The following SMARCA2 variants were observed in gnomAD, a reference collection of about 807,000 sequenced individuals.
SMARCA2 encodes the protein SWI/SNF related BAF chromatin remodeling complex subunit ATPase 2.
SMARCA2 carries 61 observed loss-of-function variants against 199.8 expected under a neutral mutation model. The observed-to-expected ratio is 0.31, with a 90% CI of 0.25 to 0.38. The LOEUF (loss-of-function observed/expected upper bound fraction) is 0.38, where lower values mean the gene tolerates loss of function less well. SMARCA2 is among the 10% of genes least tolerant of loss of function. The pLI, the probability that SMARCA2 is intolerant of heterozygous loss-of-function variation, is 1.00. For synonymous variants in SMARCA2, 935 were observed against 732.0 expected, an observed-to-expected ratio of 1.28 and a Z score of -4.48; for missense variants, 1,344 against 2,012.2, an observed-to-expected ratio of 0.67 and a Z score of 6.35.
intron 27 of SMARCA2, among the ~76,000 whole-genome samples, chr9:2,138,144 T>C (rs1248742782): frequency 6.6e-6 from 1 of 151,864 alleles, no homozygotes; most frequent in African/African-American, 2.4e-5. Flanking sequence ...TCTTCTAGCT[T>C]GAGCCTTCTA....
intron 14 of SMARCA2, among the ~76,000 whole-genome samples, chr9:2,078,955 TA>T (rs1245255227): frequency 6.6e-6 from 1 of 151,682 alleles, no homozygotes; most frequent in Non-Finnish European, 1.5e-5. Context: ...AAAAAATAAA[TA>T]AATAAATAAA....
At chr9:2,130,708 TACATATATATATACACAC>T (rs1823906224) in intron 27 of SMARCA2, among the ~76,000 whole-genome samples, 2 of 152,138 alleles carry the variant, frequency 1.3e-5, no homozygotes, top group East Asian at 3.9e-4. Flanking sequence ...CATACATACA[TACATATATATATACACAC>T]ACATATATAT....
chr9:2,028,119 G>C (rs1471671477), intron 1 of SMARCA2, among the ~76,000 whole-genome samples: 1 of 146,482 alleles, frequency 6.8e-6, no homozygotes, highest in Non-Finnish European at 1.5e-5. Context: ...CTCTGATCCA[G>C]TAGTCATGGA....
At position 2,124,000 on chromosome 9, in the gene SMARCA2, C is replaced by T. The variant is rs571771573; in HGVS notation, c.3981+63C>T. The T allele has an allele frequency of 2.2e-5, 30 of 1,339,498 alleles. No individual in the cohort carries two copies. The Admixed American group carries it at 5.3e-4, about 24-fold the overall frequency. 83.0% of individuals were successfully genotyped at this position (1,339,498 alleles called of 1,614,324 possible). A position where few individuals can be genotyped will look rare whatever the true frequency, so the allele number is the denominator to read the frequency against. On this transcript the variant is annotated intron_variant, in intron 27 of 33. Transcript: ENST00000349721. The surrounding 1 kb of genome is among the most constrained non-coding windows in gnomAD (Gnocchi z 4.1). ...AGGGTTTTTGGTGGCTTGGAGAAACCAGGGGCCTAGAGCTGGGATTTTCTG... is the reference window on the plus strand; with the variant it reads ...AGGGTTTTTGGTGGCTTGGAGAAACTAGGGGCCTAGAGCTGGGATTTTCTG...
intron 27 of SMARCA2, among the ~76,000 whole-genome samples, chr9:2,132,421 A>T (rs1364862602): frequency 6.6e-6 from 1 of 152,170 alleles, no homozygotes; most frequent in East Asian, 1.9e-4. Context: ...CTTTTCCCCT[A>T]AAATATTTTA....
At position 2,115,971 on chromosome 9, in the gene SMARCA2, C is replaced by T; in HGVS notation, c.3606C>T (p.Gly1202=). ...LNVDQKVIQA[G]MFDQKSSSHE... is the part of the protein sequence containing the mutation. ...TGGATCAGAAAGTGATCCAGGCGGG[C>T]ATGTTTGACCAAAAGTCTTCAAGCC... The change falls in exon 25 of 34, where the codon GGC becomes GGT. Residue 1202 remains glycine (G), a synonymous_variant. Coordinates refer to ENST00000349721, the MANE Select transcript of SMARCA2 (RefSeq NM_003070.5). The surrounding 1 kb of genome is among the most constrained non-coding windows in gnomAD (Gnocchi z 6.0). The T allele has an allele frequency of 6.2e-7, 1 of 1,614,104 alleles. No homozygotes were observed. The highest frequency in any genetic ancestry group is 8.5e-7 in the Non-Finnish European group (1 of 1,180,016).
chr9:2,088,794 A>AT (rs1821919878), intron 19 of SMARCA2, among the ~76,000 whole-genome samples, 181 bp downstream of exon 19: 1 of 151,906 alleles, frequency 6.6e-6, no homozygotes, highest in African/African-American at 2.4e-5. Flanking sequence ...AAATTATAGC[A>AT]TTTGCAGCCT....
intron 27 of SMARCA2, chr9:2,160,785 T>G (rs564080512): frequency 6.0e-5 from 25 of 416,166 alleles, no homozygotes; most frequent in Admixed American, 2.1e-4. Flanking sequence ...TTTAGAAAAT[T>G]TCTTTTCTAT....
intron 27 of SMARCA2, among the ~76,000 whole-genome samples, chr9:2,134,692 T>G (rs1435131459): frequency 2.0e-5 from 3 of 152,134 alleles, no homozygotes; most frequent in Non-Finnish European, 4.4e-5. Context: ...CCCTGCAAAA[T>G]GGATATGTTG....
rs534373519 is a variant in SMARCA2 at position 2,166,332 on chromosome 9, T to C, written c.4200-4087T>C. ...CTTATTCTGGACACCAGAATTCTGT[T>C]AGCATAACTCAAGGGTGTGTTTACT... is the stretch of plus-strand genomic sequence containing the variant. On this transcript the variant is annotated intron_variant, in intron 28 of 33. Coordinates refer to ENST00000349721, the MANE Select transcript of SMARCA2 (RefSeq NM_003070.5). Among the ~76,000 whole-genome samples the C allele has an allele frequency of 8.5e-5, 13 of 152,238 alleles. No homozygotes were observed. In the East Asian group the frequency reaches 2.3e-3, roughly 27 times the overall value.
At chr9:2,033,319 G>A (rs2130204491) in intron 3 of SMARCA2, 1 of 441,720 alleles carries the variant, frequency 2.3e-6, no homozygotes, top group South Asian at 3.5e-5. Flanking sequence ...CAAGCAGTCT[G>A]CAAAGAGCTC....
At chr9:2,148,497 T>C (rs1476916042) in intron 27 of SMARCA2, among the ~76,000 whole-genome samples, 2 of 151,238 alleles carry the variant, frequency 1.3e-5, no homozygotes, top group Non-Finnish European at 3.0e-5. Context: ...ATTATTATTT[T>C]ATTATTATTA....
At chr9:2,185,853 A>G (rs1040000953) in intron 31 of SMARCA2, among the ~76,000 whole-genome samples, 3 of 152,192 alleles carry the variant, frequency 2.0e-5, no homozygotes, top group Non-Finnish European at 4.4e-5. Context: ...TTTATCTACT[A>G]TTCTCCTCCA....
intron 32 of SMARCA2, among the ~76,000 whole-genome samples, chr9:2,186,985 G>C (rs995032297): frequency 3.3e-5 from 5 of 152,212 alleles, no homozygotes; most frequent in South Asian, 2.1e-4. Flanking sequence ...GCCTGTTGTG[G>C]GGCCTGAGAA....
chr9:2,042,720 T>C (rs1350530895), intron 4 of SMARCA2: 1 of 152,092 alleles, frequency 6.6e-6, no homozygotes, highest in African/African-American at 2.4e-5. Flanking sequence ...TGCCTGTCAT[T>C]AAAGGGAATT....
chr9:2,111,603 C>G (rs910809706), intron 24 of SMARCA2, among the ~76,000 whole-genome samples: 3 of 151,878 alleles, frequency 2.0e-5, no homozygotes, highest in Non-Finnish European at 4.4e-5. Context: ...GTTTTCTCAA[C>G]AGTAACACTA....
At chr9:2,177,407 C>T (rs1348744141) in intron 29 of SMARCA2, among the ~76,000 whole-genome samples, 1 of 152,076 alleles carries the variant, frequency 6.6e-6, no homozygotes, top group Non-Finnish European at 1.5e-5. Flanking sequence ...ATTTCTTTCT[C>T]AGCACTATCT....
chr9:2,192,692 T>C lies in SMARCA2; in HGVS notation c.4738-12T>C, dbSNP rs767887149. 84 of 1,589,654 alleles carry C rather than the reference T, an allele frequency of 5.3e-5. No homozygotes were observed. Among genetic ancestry groups the C allele is most frequent in the Non-Finnish European group, 7.1e-5 (82 of 1,157,856 alleles). ...ATGTTACTTCATTTTATCTTCTTAT[T>C]TTTACTTTTAGGAACAGTCAGAAGG... On this transcript the variant is annotated splice_polypyrimidine_tract_variant and intron_variant, in intron 33 of 33. Transcript: ENST00000349721.
intron 19 of SMARCA2, among the ~76,000 whole-genome samples, chr9:2,092,763 G>A (rs903863855): frequency 6.6e-6 from 1 of 152,138 alleles, no homozygotes; most frequent in African/African-American, 2.4e-5. Context: ...AACAAAAATA[G>A]CTCCAGTGGC....
Sources: allele counts gnomAD v4.1 joint callset (sites outside exome capture counted in the v4.1 genomes callset), GRCh38; gene constraint gnomAD v4.1.1; non-coding constraint Gnocchi (gnomAD v3.1); transcripts MANE v1.5; gene names NCBI Gene and HGNC (gene_info 2026-07-23, HGNC 2026-07-21).